Variants in GALNTL6 observed in about 807,000 individuals in gnomAD.
GALNTL6 encodes polypeptide N-acetylgalactosaminyltransferase-like 6.
In GALNTL6, 46 loss-of-function variants were observed where a neutral mutation model predicts 73.7. The observed-to-expected ratio is 0.62, with a 90% confidence interval of 0.49 to 0.80. The LOEUF (loss-of-function observed/expected upper bound fraction) is 0.80, where lower values mean the gene tolerates loss of function less well. Among genes scored for constraint, GALNTL6 ranks in the 30% least tolerant of loss-of-function variants. The pLI is 0.00. For missense variants in GALNTL6, 604 were observed against 755.0 expected (o/e 0.80, Z 2.34); for synonymous variants, 259 against 263.7 (o/e 0.98, Z 0.17).
intron 5 of GALNTL6, among the ~76,000 whole-genome samples, chr4:172,462,148 C>T (rs1324294330): frequency 1.3e-5 from 2 of 152,164 alleles, no homozygotes; most frequent in Non-Finnish European, 2.9e-5. Flanking sequence ...GGCCTTCAGA[C>T]TCAACCTAAA....
At chr4:172,126,418 G>A (rs1733294948) in intron 2 of GALNTL6, among the ~76,000 whole-genome samples, 1 of 152,144 alleles carries the variant, frequency 6.6e-6, no homozygotes, top group Non-Finnish European at 1.5e-5. Flanking sequence ...ATAGCAAACA[G>A]GTAATCACAC....
chr4:171,889,393 A>ATTATTTTCC (rs2110923823), intron 2 of GALNTL6, among the ~76,000 whole-genome samples: 1 of 152,180 alleles, frequency 6.6e-6, no homozygotes, highest in East Asian at 1.9e-4. Flanking sequence ...GATTCATATC[A>ATTATTTTCC]TTATTTTCCA....
chr4:172,436,827 TTAAC>T (rs1426071158), intron 5 of GALNTL6, among the ~76,000 whole-genome samples: 17 of 152,132 alleles, frequency 1.1e-4, no homozygotes, highest in Admixed American at 1.0e-3. Flanking sequence ...TTATTCAACT[TTAAC>T]TAGTACTTAT....
intron 5 of GALNTL6, among the ~76,000 whole-genome samples, chr4:172,663,923 C>T (rs1286821066): frequency 9.3e-6 from 1 of 108,084 alleles, no homozygotes; most frequent in Non-Finnish European, 1.9e-5. Flanking sequence ...AAGTGAGACT[C>T]TGTCTCAAAA....
intron 5 of GALNTL6, among the ~76,000 whole-genome samples, chr4:172,744,834 C>CGCAT (rs1553983571): frequency 1.2e-5 from 1 of 84,612 alleles, no homozygotes; most frequent in Non-Finnish European, 2.4e-5. Context: ...TTTAAGAGTG[C>CGCAT]GCGTGCGTGT....
At chr4:172,565,264 C>A (rs1305594169) in intron 5 of GALNTL6, among the ~76,000 whole-genome samples, 8 of 152,140 alleles carry the variant, frequency 5.3e-5, no homozygotes, top group Admixed American at 1.3e-4. Flanking sequence ...AATATTCATT[C>A]TTTTGTCTTT....
At chr4:172,518,349 C>A (rs1734673146) in intron 5 of GALNTL6, among the ~76,000 whole-genome samples, 1 of 151,716 alleles carries the variant, frequency 6.6e-6, no homozygotes, top group South Asian at 2.1e-4. Flanking sequence ...AATGTGTGGT[C>A]CTGATTTAAT....
chr4:172,812,903 T>C (rs934504312), intron 6 of GALNTL6, among the ~76,000 whole-genome samples: 4 of 152,216 alleles, frequency 2.6e-5, no homozygotes, highest in Non-Finnish European at 5.9e-5. Flanking sequence ...CGCAGTAGTA[T>C]AATATCACCT....
intron 10 of GALNTL6, among the ~76,000 whole-genome samples, chr4:172,955,153 T>C (rs1179119917): frequency 6.6e-6 from 1 of 152,160 alleles, no homozygotes; most frequent in East Asian, 1.9e-4. Context: ...AAAAAGATTA[T>C]TTTCTAACTC....
At chr4:172,500,975 T>C (rs1415376909) in intron 5 of GALNTL6, among the ~76,000 whole-genome samples, 2 of 152,226 alleles carry the variant, frequency 1.3e-5, no homozygotes, top group Non-Finnish European at 2.9e-5. Context: ...TCAAAACCAG[T>C]AGACTACTAT....
chr4:172,572,267 AG>A (rs1282628918), intron 5 of GALNTL6, among the ~76,000 whole-genome samples: 5 of 152,172 alleles, frequency 3.3e-5, no homozygotes, highest in African/African-American at 9.7e-5. Context: ...CATTTCTGGA[AG>A]ATAATGATGA....
chr4:172,106,298 C>T (rs1169614812), intron 2 of GALNTL6, among the ~76,000 whole-genome samples: 2 of 151,944 alleles, frequency 1.3e-5, no homozygotes, highest in Non-Finnish European at 2.9e-5. Flanking sequence ...CTCAGGTTTC[C>T]AGGGGAGAAG....
At chr4:172,224,235 A>G (rs965637333) in intron 2 of GALNTL6, among the ~76,000 whole-genome samples, 1 of 152,166 alleles carries the variant, frequency 6.6e-6, no homozygotes, top group Non-Finnish European at 1.5e-5. Flanking sequence ...TAAAGTGGGT[A>G]AGGTAGGTAT....
intron 3 of GALNTL6, among the ~76,000 whole-genome samples, chr4:172,285,714 A>G (rs17058214): frequency 0.018 from 2,682 of 152,282 alleles, 79 homozygotes; most frequent in African/African-American, 0.062. Context: ...TCCCTGACAC[A>G]TAATGGACAA....
At chr4:172,346,950 T>C (rs1741762105) in intron 4 of GALNTL6, among the ~76,000 whole-genome samples, 1 of 151,632 alleles carries the variant, frequency 6.6e-6, no homozygotes, top group South Asian at 2.1e-4. Flanking sequence ...TGAAAAGTCA[T>C]GAGCCTATTG....
At chr4:171,922,263 C>A (rs1737811865) in intron 2 of GALNTL6, among the ~76,000 whole-genome samples, 1 of 152,040 alleles carries the variant, frequency 6.6e-6, no homozygotes, top group Non-Finnish European at 1.5e-5. Flanking sequence ...CTGCCTTTCC[C>A]TTACTGATAA....
intron 5 of GALNTL6, among the ~76,000 whole-genome samples, chr4:172,639,830 C>A (rs1437342119): frequency 6.6e-6 from 1 of 152,094 alleles, no homozygotes; most frequent in Non-Finnish European, 1.5e-5. Flanking sequence ...TGTTTTAATA[C>A]CATGTATAAA....
At chr4:172,135,589 T>C (rs931162220) in intron 2 of GALNTL6, among the ~76,000 whole-genome samples, 2 of 152,188 alleles carry the variant, frequency 1.3e-5, no homozygotes, top group Admixed American at 1.3e-4. Context: ...CAATTGGCTA[T>C]TGCAATAATT....
intron 2 of GALNTL6, among the ~76,000 whole-genome samples, chr4:171,998,290 A>G (rs895082965): frequency 1.4e-4 from 21 of 152,106 alleles, no homozygotes; most frequent in African/African-American, 5.1e-4. Context: ...ATTTTAAGAA[A>G]TTGGTTCATG....
Sources: allele counts gnomAD v4.1 joint callset (sites outside exome capture counted in the v4.1 genomes callset), GRCh38; gene constraint gnomAD v4.1.1; transcripts MANE v1.5; gene names NCBI Gene and HGNC (gene_info 2026-07-23, HGNC 2026-07-21).